RORA: variants seen among roughly 807,000 people sequenced by gnomAD.
The protein encoded by RORA is nuclear receptor ROR-alpha.
A neutral mutation model predicts 69.5 loss-of-function variants in RORA; 7 were observed. The observed-to-expected ratio is 0.10, with a 90% confidence interval of 0.06 to 0.19. The LOEUF (loss-of-function observed/expected upper bound fraction) is 0.19. Among genes scored for constraint, RORA ranks in the 10% least tolerant of loss-of-function variants. The pLI is 1.00. For missense variants in RORA, 457 were observed against 663.0 expected (o/e 0.69, Z 3.41); for synonymous variants, 261 against 240.8 (o/e 1.08, Z -0.78).
At chr15:60,740,834 C>T (rs1417874394) in intron 1 of RORA, among the ~76,000 whole-genome samples, 2 of 152,138 alleles carry the variant, frequency 1.3e-5, no homozygotes, top group East Asian at 1.9e-4. Context: ...TATGACCATA[C>T]TGAAGGAGCT....
intron 1 of RORA, among the ~76,000 whole-genome samples, chr15:61,126,010 T>C (rs1293238682): frequency 6.6e-6 from 1 of 152,232 alleles, no homozygotes; most frequent in African/African-American, 2.4e-5. Context: ...TTTTGAAATC[T>C]TGTATTACAT....
chr15:60,844,929 A>T lies in RORA; in HGVS notation c.167-166243T>A, dbSNP rs558515452. On this transcript the variant is annotated intron_variant, in intron 1 of 10. Coordinates refer to ENST00000335670, the MANE Select transcript of RORA (RefSeq NM_134261.3). Reference sequence around the variant, plus strand: ...CACATAATGAAACGGTTTGTGGCCAATGAGCCGTCTAAACAAAAATATCCC... The same window carrying T: ...CACATAATGAAACGGTTTGTGGCCATTGAGCCGTCTAAACAAAAATATCCC... Among the ~76,000 whole-genome samples the T allele has an allele frequency of 5.1e-4, 78 of 152,346 alleles. No homozygotes were observed. In the South Asian group the frequency reaches 7.3e-3, roughly 14 times the overall value.
At chr15:60,658,263 C>G (rs900597987) in intron 2 of RORA, among the ~76,000 whole-genome samples, 1 of 152,020 alleles carries the variant, frequency 6.6e-6, no homozygotes, top group Non-Finnish European at 1.5e-5. Context: ...TCATGTTGGC[C>G]AGGCTGGTCT....
At chr15:60,727,798 A>G in intron 1 of RORA, among the ~76,000 whole-genome samples, 1 of 152,166 alleles carries the variant, frequency 6.6e-6, no homozygotes, top group South Asian at 2.1e-4. Flanking sequence ...ATCCCTGGGG[A>G]GATAGTTTCA....
intron 2 of RORA, among the ~76,000 whole-genome samples, chr15:60,578,347 G>C (rs1315094457): frequency 6.6e-6 from 1 of 152,166 alleles, no homozygotes; most frequent in African/African-American, 2.4e-5. Context: ...CATCAGAAAA[G>C]TTTTTAAGTA....
chr15:60,809,727 G>A (rs2072714990), intron 1 of RORA, among the ~76,000 whole-genome samples: 1 of 151,030 alleles, frequency 6.6e-6, no homozygotes, highest in African/African-American at 2.4e-5. Flanking sequence ...CAATGTAAAT[G>A]CTATTCACCA....
At chr15:60,621,141 T>A (rs890156) in intron 2 of RORA, among the ~76,000 whole-genome samples, 69,503 of 152,014 alleles carry the variant, frequency 0.46, 15,917 homozygotes, top group East Asian at 0.53. Flanking sequence ...CCCTAAGATG[T>A]TCCTAAGAAG....
rs2072157240 is a variant in RORA, at chr15:60,775,789, T to C, written c.167-97103A>G. The stretch of plus-strand genomic sequence containing the variant: ...AATAAACATGGAAAGATGAATATGC[T>C]TATGGGACATCAAACCTCTTTAGGT... On this transcript the variant is annotated intron_variant, in intron 1 of 10. Coordinates refer to ENST00000335670, the MANE Select transcript of RORA (RefSeq NM_134261.3). Among the ~76,000 whole-genome samples, 4 of 152,322 alleles carry C rather than the reference T, an allele frequency of 2.6e-5. No homozygotes were observed. In the South Asian group the frequency reaches 8.3e-4, roughly 32 times the overall value.
chr15:60,694,644 C>A (rs976162128), intron 1 of RORA, among the ~76,000 whole-genome samples: 1 of 152,212 alleles, frequency 6.6e-6, no homozygotes, highest in African/African-American at 2.4e-5. Flanking sequence ...GCCAGGGTGA[C>A]AGACTGGACC....
At chr15:60,842,591 T>C (rs1392180466) in intron 1 of RORA, among the ~76,000 whole-genome samples, 1 of 152,148 alleles carries the variant, frequency 6.6e-6, no homozygotes, top group African/African-American at 2.4e-5. Flanking sequence ...CAGTGGTCAG[T>C]GGTGAGCATT....
intron 1 of RORA, among the ~76,000 whole-genome samples, chr15:60,946,315 CGAGCCG>C (rs1892871211): frequency 6.6e-6 from 1 of 152,144 alleles, no homozygotes; most frequent in Non-Finnish European, 1.5e-5. Context: ...CCTCTGATGA[CGAGCCG>C]AAGCGGGACT....
intron 1 of RORA, among the ~76,000 whole-genome samples, chr15:61,066,665 T>A (rs1292163487): frequency 2.0e-5 from 3 of 151,620 alleles, no homozygotes; most frequent in Non-Finnish European, 4.4e-5. Context: ...TGACCTCAGG[T>A]GATCCACCCA....
At chr15:61,221,300 GT>G (rs988723215) in intron 1 of RORA, among the ~76,000 whole-genome samples, 3 of 152,182 alleles carry the variant, frequency 2.0e-5, no homozygotes, top group Admixed American at 2.0e-4. Context: ...TAACTGCACA[GT>G]AGTTAATAGT....
intron 1 of RORA, among the ~76,000 whole-genome samples, chr15:60,948,906 A>G (rs572594337): frequency 6.6e-6 from 1 of 152,256 alleles, no homozygotes; most frequent in Non-Finnish European, 1.5e-5. Context: ...AGAGGAATCA[A>G]TGGAAGCTGG....
intron 1 of RORA, among the ~76,000 whole-genome samples, chr15:61,080,241 T>G (rs1162513039): frequency 1.3e-5 from 2 of 152,134 alleles, no homozygotes; most frequent in Non-Finnish European, 2.9e-5. Context: ...TATTCATCCT[T>G]TAGTCTAATC....
chr15:60,597,607 TATATATATATACATAC>T (rs1203628424), intron 2 of RORA, among the ~76,000 whole-genome samples: 3 of 45,348 alleles, frequency 6.6e-5, no homozygotes, highest in Non-Finnish European at 1.2e-4. Context: ...CATATATATA[TATATATATATACATAC>T]ATATATATAC....
intron 1 of RORA, among the ~76,000 whole-genome samples, chr15:60,995,954 G>A (rs940225): frequency 0.99 from 150,474 of 152,330 alleles, 74,355 homozygotes; most frequent in Middle Eastern, 1. Flanking sequence ...CCCCTTTCCA[G>A]TGATTCTTGT....
intron 1 of RORA, among the ~76,000 whole-genome samples, chr15:61,032,876 T>C (rs1475694495): frequency 1.3e-5 from 2 of 152,234 alleles, no homozygotes. Flanking sequence ...CCTATGTCTA[T>C]ATAAATATTA....
chr15:61,070,090 C>T (rs948201999), intron 1 of RORA, among the ~76,000 whole-genome samples: 13 of 152,244 alleles, frequency 8.5e-5, no homozygotes, highest in African/African-American at 2.4e-4. Context: ...ATATGTTATA[C>T]GTTTTCTATT....
Sources: allele counts gnomAD v4.1 joint callset (sites outside exome capture counted in the v4.1 genomes callset), GRCh38; gene constraint gnomAD v4.1.1; transcripts MANE v1.5; gene names NCBI Gene and HGNC (gene_info 2026-07-23, HGNC 2026-07-21).